The following SLC9A9 variants were observed in gnomAD, a reference collection of about 807,000 sequenced individuals.
The protein encoded by SLC9A9 is sodium/hydrogen exchanger 9.
In SLC9A9, 62 loss-of-function variants were observed where a neutral mutation model predicts 77.8. The ratio of observed to expected loss-of-function variants is 0.80; its 90% CI spans 0.65 to 0.98. The LOEUF (loss-of-function observed/expected upper bound fraction) is 0.98, where lower values mean the gene tolerates loss of function less well. Ranked by LOEUF, SLC9A9 falls within the 50% of genes least tolerant of loss-of-function variation. The probability of loss-of-function intolerance (pLI) is 0.00; values close to 1 mark genes in which losing one functional copy is unlikely to be tolerated. For synonymous variants in SLC9A9, 320 were observed against 283.5 expected, an observed-to-expected ratio of 1.13 and a Z score of -1.29; for missense variants, 775 against 774.9, an observed-to-expected ratio of 1.00 and a Z score of 0.00.
chr3:143,623,741 A>C (rs1336327348), intron 6 of SLC9A9, among the ~76,000 whole-genome samples: 1 of 152,244 alleles, frequency 6.6e-6, no homozygotes, highest in Non-Finnish European at 1.5e-5. Context: ...AAAAGCGAGC[A>C]GAAGGCAAGA....
intron 11 of SLC9A9, among the ~76,000 whole-genome samples, chr3:143,468,900 G>T (rs2035330089): frequency 6.6e-6 from 1 of 152,120 alleles, no homozygotes; most frequent in South Asian, 2.1e-4. Flanking sequence ...GGTGGTTCAC[G>T]CCTGTAATCC....
At chr3:143,576,667 G>A (rs1426164576) in intron 7 of SLC9A9, among the ~76,000 whole-genome samples, 2 of 152,096 alleles carry the variant, frequency 1.3e-5, no homozygotes, top group Non-Finnish European at 2.9e-5. Context: ...TCACTCTCCG[G>A]GTTTACTTGC....
In SLC9A9 at chr3:143,701,681, A is replaced by G. The variant is rs1025028834; in HGVS notation, c.534-8374T>C. On this transcript the variant is annotated intron_variant, in intron 4 of 15. Coordinates refer to ENST00000316549, the MANE Select transcript of SLC9A9 (RefSeq NM_173653.4). ...TACAGGATCTAGGAAATAGCCTCAAAAGGGCAAATTTAAGAGTTATTGGCC... is the reference window on the plus strand; with the variant it reads ...TACAGGATCTAGGAAATAGCCTCAAGAGGGCAAATTTAAGAGTTATTGGCC... 3.9e-5 allele frequency among the ~76,000 whole-genome samples: 6 copies of G among 152,332 alleles called. 1 individual carries two copies.
At chr3:143,691,868 G>A (rs1354048665) in intron 5 of SLC9A9, among the ~76,000 whole-genome samples, 4 of 151,930 alleles carry the variant, frequency 2.6e-5, no homozygotes, top group Non-Finnish European at 5.9e-5. Context: ...TCATTGCAAC[G>A]AGTAATAAAA....
chr3:143,659,619 A>T (rs1349131292), intron 5 of SLC9A9, among the ~76,000 whole-genome samples: 1 of 152,200 alleles, frequency 6.6e-6, no homozygotes, highest in Non-Finnish European at 1.5e-5. Flanking sequence ...TGTGTGAGAT[A>T]CAGGGAAGAA....
chr3:143,777,369 C>T (rs920957545), intron 4 of SLC9A9, among the ~76,000 whole-genome samples: 17 of 152,064 alleles, frequency 1.1e-4, no homozygotes, highest in Non-Finnish European at 2.1e-4. Context: ...TTATCTGAGT[C>T]AGAATCCTTT....
intron 9 of SLC9A9, among the ~76,000 whole-genome samples, chr3:143,499,426 C>G (rs78856723): frequency 0.034 from 5,106 of 151,738 alleles, 133 homozygotes; most frequent in East Asian, 0.13. Flanking sequence ...TTTCAAAGTT[C>G]CTTTTCTAAT....
intron 1 of SLC9A9, among the ~76,000 whole-genome samples, chr3:143,846,796 G>C (rs1184572299): frequency 6.6e-6 from 1 of 151,430 alleles, no homozygotes; most frequent in African/African-American, 2.4e-5. Context: ...TAAGTTTTAG[G>C]GTACATGTGC....
At chr3:143,369,272 G>A (rs2032988134) in intron 13 of SLC9A9, among the ~76,000 whole-genome samples, 1 of 152,130 alleles carries the variant, frequency 6.6e-6, no homozygotes, top group Non-Finnish European at 1.5e-5. Flanking sequence ...TGTATTCTTT[G>A]ATATTTTTTC....
At chr3:143,625,322 AAAG>A (rs2038301744) in intron 6 of SLC9A9, among the ~76,000 whole-genome samples, 1 of 152,238 alleles carries the variant, frequency 6.6e-6, no homozygotes, top group African/African-American at 2.4e-5. Flanking sequence ...TCCTAAGCCA[AAAG>A]AACAAAGCTG....
At chr3:143,760,431 G>T (rs1383011353) in intron 4 of SLC9A9, among the ~76,000 whole-genome samples, 1 of 152,158 alleles carries the variant, frequency 6.6e-6, no homozygotes, top group Admixed American at 6.5e-5. Flanking sequence ...TGACATGATT[G>T]TATAGCTAGA....
At chr3:143,843,994 G>C (rs2009769349) in intron 1 of SLC9A9, among the ~76,000 whole-genome samples, 1 of 152,046 alleles carries the variant, frequency 6.6e-6, no homozygotes, top group Non-Finnish European at 1.5e-5. Context: ...TGTTCCTGGT[G>C]AAGCAAAAAT....
chr3:143,391,686 G>A (rs539388952), intron 12 of SLC9A9, among the ~76,000 whole-genome samples: 2 of 152,308 alleles, frequency 1.3e-5, no homozygotes, highest in African/African-American at 2.4e-5. Context: ...CCCTGGCAAA[G>A]AAGCTAAAAA....
chr3:143,267,859 T>G (rs1937776561), intron 15 of SLC9A9, among the ~76,000 whole-genome samples: 1 of 152,242 alleles, frequency 6.6e-6, no homozygotes. Context: ...AAGGCCATAC[T>G]AAACTACTTG....
chr3:143,841,173 G>A (rs999533792), intron 1 of SLC9A9, among the ~76,000 whole-genome samples: 1 of 151,944 alleles, frequency 6.6e-6, no homozygotes, highest in Non-Finnish European at 1.5e-5. Context: ...TCTGTAATAT[G>A]AAAATGATAA....
intron 14 of SLC9A9, among the ~76,000 whole-genome samples, chr3:143,306,009 T>A (rs1476392448): frequency 1.3e-5 from 2 of 152,232 alleles, no homozygotes; most frequent in Non-Finnish European, 2.9e-5. Context: ...TATGAACATT[T>A]GATTTTTTCC....
intron 4 of SLC9A9, among the ~76,000 whole-genome samples, chr3:143,718,987 G>T (rs1479947709): frequency 6.6e-6 from 1 of 152,144 alleles, no homozygotes; most frequent in Non-Finnish European, 1.5e-5. Context: ...AACCTAGAGG[G>T]CTATTATGCT....
chr3:143,732,001 C>T (rs550056932), intron 4 of SLC9A9, among the ~76,000 whole-genome samples: 4 of 152,298 alleles, frequency 2.6e-5, no homozygotes, highest in Non-Finnish European at 4.4e-5. Context: ...TAGTCTGGTT[C>T]GGTGTCAGCA....
At chr3:143,654,851 A>G (rs933858071) in intron 5 of SLC9A9, among the ~76,000 whole-genome samples, 2 of 152,152 alleles carry the variant, frequency 1.3e-5, no homozygotes, top group Non-Finnish European at 2.9e-5. Flanking sequence ...GGAAGACTCT[A>G]CACCTGTCTA....
Sources: gnomAD v4.1 joint callset for allele counts (sites outside exome capture counted in the v4.1 genomes callset) on GRCh38, gnomAD v4.1.1 for gene constraint, MANE v1.5 for transcripts, NCBI Gene and HGNC (gene_info 2026-07-23, HGNC 2026-07-21) for gene names.